The following ALPK2 variants were observed in gnomAD, a reference collection of about 807,000 sequenced individuals.
ALPK2 encodes alpha kinase 2, also known as alpha-protein kinase 2.
In ALPK2, 127 loss-of-function variants were observed where a neutral mutation model predicts 163.1. The observed-to-expected ratio is 0.78, with a 90% CI of 0.67 to 0.90. The LOEUF (loss-of-function observed/expected upper bound fraction) is 0.90. ALPK2 is among the 40% of genes least tolerant of loss of function. ALPK2 has a pLI of 0.00. For missense variants in ALPK2, 2,360 were observed against 2,589.6 expected, an observed-to-expected ratio of 0.91 and a Z score of 1.92; for synonymous variants, 953 against 959.1, an observed-to-expected ratio of 0.99 and a Z score of 0.12.
chr18:58,596,999 C>A (rs2052044366), intron 3 of ALPK2, among the ~76,000 whole-genome samples: 1 of 151,898 alleles, frequency 6.6e-6, no homozygotes, highest in African/African-American at 2.4e-5. Context: ...TAAAAAAAAA[C>A]AAAATTGGCC....
intron 3 of ALPK2, among the ~76,000 whole-genome samples, chr18:58,595,774 C>T (rs2052037818): frequency 2.0e-5 from 3 of 152,104 alleles, no homozygotes; most frequent in Admixed American, 2.0e-4. Flanking sequence ...CAGGGTTTCT[C>T]CTGTGTTAAA....
At chr18:58,573,602 AT>A (rs1433802285) in intron 4 of ALPK2, among the ~76,000 whole-genome samples, 1 of 54,940 alleles carries the variant, frequency 1.8e-5, no homozygotes, top group Admixed American at 2.1e-4. Flanking sequence ...GCATGTTGCC[AT>A]TTTTGTCTTC....
At chr18:58,618,415 G>A (rs781239960) in intron 1 of ALPK2, among the ~76,000 whole-genome samples, 41 of 152,212 alleles carry the variant, frequency 2.7e-4, no homozygotes, top group Non-Finnish European at 5.0e-4. Flanking sequence ...GTGATGTGAT[G>A]ATGTGGGGCG....
At chr18:58,551,837 C>A (rs1306212685) in intron 4 of ALPK2, among the ~76,000 whole-genome samples, 1 of 152,214 alleles carries the variant, frequency 6.6e-6, no homozygotes, top group Non-Finnish European at 1.5e-5. Flanking sequence ...GCCCAGGCTT[C>A]CAGACCCTGC....
chr18:58,569,055 A>G (rs910818359), intron 4 of ALPK2, among the ~76,000 whole-genome samples: 1 of 152,150 alleles, frequency 6.6e-6, no homozygotes, highest in Non-Finnish European at 1.5e-5. Flanking sequence ...CTCTACTAAA[A>G]ATAGAAAAAT....
At chr18:58,574,749 G>A (rs1333231186) in intron 4 of ALPK2, among the ~76,000 whole-genome samples, 2 of 152,186 alleles carry the variant, frequency 1.3e-5, no homozygotes, top group African/African-American at 4.8e-5. Context: ...AATGTTTGGG[G>A]ACTGCTGGTT....
intron 12 of ALPK2, among the ~76,000 whole-genome samples, chr18:58,484,407 G>C (rs888572575): frequency 6.6e-6 from 1 of 152,166 alleles, no homozygotes; most frequent in Non-Finnish European, 1.5e-5. Flanking sequence ...TGATGAATAC[G>C]ATGCAGGGGA....
At chr18:58,577,031 G>C (rs1332693329) in intron 4 of ALPK2, among the ~76,000 whole-genome samples, 1 of 152,232 alleles carries the variant, frequency 6.6e-6, no homozygotes, top group African/African-American at 2.4e-5. Context: ...CTGATACCTG[G>C]TGGAGTGGGT....
intron 2 of ALPK2, among the ~76,000 whole-genome samples, chr18:58,609,358 T>G (rs2052115906): frequency 6.6e-6 from 1 of 152,242 alleles, no homozygotes; most frequent in Non-Finnish European, 1.5e-5. Context: ...TCAAGGGGTT[T>G]CTGATCATAA....
intron 10 of ALPK2, among the ~76,000 whole-genome samples, chr18:58,510,229 G>GTTCCATTGGTCTACATCTCTGT (rs991191378): frequency 6.6e-6 from 1 of 152,176 alleles, no homozygotes; most frequent in African/African-American, 2.4e-5. Context: ...GCTCTGTTCT[G>GTTCCATTGGTCTACATCTCTGT]TTCCATTGGT....
Position 58,538,307 on chromosome 18 carries a change from A to G in ALPK2, c.1963-83T>C, listed in dbSNP as rs536270652. On this transcript the variant is annotated intron_variant, in intron 4 of 12. Transcript: ENST00000361673. ...CATAACTGCAATCCCAAGAGTGTTA[A>G]TCCTCAATGACCGTAATAATGGACA... The G allele has an allele frequency of 3.4e-5, 41 of 1,221,506 alleles. 1 individual carries two copies. The South Asian group carries it at 5.9e-4, about 17-fold the overall frequency. 75.7% of individuals were successfully genotyped at this position (1,221,506 alleles called of 1,614,324 possible).
At chr18:58,592,183 C>A (rs539300915) in intron 3 of ALPK2, among the ~76,000 whole-genome samples, 1 of 152,350 alleles carries the variant, frequency 6.6e-6, no homozygotes, top group South Asian at 2.1e-4. Flanking sequence ...GGACCTGCAA[C>A]TATACATGCT....
chr18:58,626,695 A>G (rs554547140), intron 1 of ALPK2, among the ~76,000 whole-genome samples: 2 of 152,218 alleles, frequency 1.3e-5, no homozygotes, highest in Non-Finnish European at 2.9e-5. Context: ...TAGTAAAAAA[A>G]AATTTTTTCT....
intron 6 of ALPK2, among the ~76,000 whole-genome samples, chr18:58,524,316 A>C (rs1307099041): frequency 6.6e-6 from 1 of 151,826 alleles, no homozygotes; most frequent in Admixed American, 6.6e-5. Context: ...AAAGAATTGA[A>C]ATTGTGAATT....
chr18:58,506,915 A>G (rs1234732160), intron 10 of ALPK2, among the ~76,000 whole-genome samples: 1 of 152,064 alleles, frequency 6.6e-6, no homozygotes, highest in Non-Finnish European at 1.5e-5. Context: ...GTGTCTCCAT[A>G]ACCACCACTG....
At chr18:58,487,684 C>T (rs1384366486) in intron 12 of ALPK2, among the ~76,000 whole-genome samples, 2 of 152,006 alleles carry the variant, frequency 1.3e-5, no homozygotes, top group East Asian at 3.9e-4. Context: ...TCTATCCATC[C>T]TCTCTCACAA....
At chr18:58,552,459 G>A (rs954553500) in intron 4 of ALPK2, among the ~76,000 whole-genome samples, 38 of 152,186 alleles carry the variant, frequency 2.5e-4, no homozygotes, top group African/African-American at 8.9e-4. Flanking sequence ...CTAGCACAGA[G>A]ACAGAAATAA....
In ALPK2 at chr18:58,514,934, G is replaced by A. The variant is rs542463974; in HGVS notation, c.6029+59C>T. Reference sequence around the variant, plus strand: ...CCCTACTGTTCCTTCTCACTCTCTCGTCCCTCCTAGTCCCCAACGAGTCAG... The same window carrying A: ...CCCTACTGTTCCTTCTCACTCTCTCATCCCTCCTAGTCCCCAACGAGTCAG... On this transcript the variant is annotated intron_variant, in intron 10 of 12. Transcript: ENST00000361673. 33 of 1,343,670 alleles carry A rather than the reference G, an allele frequency of 2.5e-5. No individual in the cohort carries two copies. The East Asian group carries it at 3.8e-4, about 16-fold the overall frequency. 83.2% of individuals were successfully genotyped at this position (1,343,670 alleles called of 1,614,324 possible). A position where few individuals can be genotyped will look rare whatever the true frequency, so the allele number is the denominator to read the frequency against.
At chr18:58,514,905 C>T (rs1444585259) in intron 10 of ALPK2, 88 bp downstream of exon 10, 8 of 954,854 alleles carry the variant, frequency 8.4e-6, no homozygotes, top group African/African-American at 1.6e-5. Flanking sequence ...AGCTGAAACA[C>T]TTGCCCTACT....
Sources: gnomAD v4.1 joint callset for allele counts (sites outside exome capture counted in the v4.1 genomes callset) on GRCh38, gnomAD v4.1.1 for gene constraint, MANE v1.5 for transcripts, NCBI Gene and HGNC (gene_info 2026-07-23, HGNC 2026-07-21) for gene names.